ZNF563: variants seen among roughly 807,000 people sequenced by gnomAD.
ZNF563 encodes zinc finger protein 563.
A neutral mutation model predicts 48.5 loss-of-function variants in ZNF563; 39 were observed. The observed-to-expected ratio is 0.80, with a 90% confidence interval of 0.62 to 1.05. The LOEUF is 1.05. Among genes scored for constraint, ZNF563 ranks in the 50% least tolerant of loss-of-function variants. The probability of loss-of-function intolerance (pLI) is 0.00; values close to 1 mark genes in which losing one functional copy is unlikely to be tolerated. For missense variants in ZNF563, 538 were observed against 597.0 expected (o/e 0.90, Z 1.03); for synonymous variants, 168 against 187.9 (o/e 0.89, Z 0.87).
At chr19:12,338,817 A>G in the ZNF563 span, among the ~76,000 whole-genome samples, 2 of 152,082 alleles carry the variant, frequency 1.3e-5, no homozygotes, top group African/African-American at 4.8e-5. Context: ...ACACCATTGC[A>G]CTCCAGCCTG....
In ZNF563 at chr19:12,319,567, T is replaced by C. The variant is rs764190825; in HGVS notation, c.458A>G (p.His153Arg). 6.2e-6 allele frequency: 10 copies of C among 1,614,198 alleles called. No homozygotes were observed. Among genetic ancestry groups the C allele is most frequent in the Admixed American group, 5.0e-5 (3 of 60,012 alleles). ...CCTTCCACGCGACTGAAAGGAGTGA[T>C]GGTAACTGAAGGCTTTCCCACGTTG... Reference protein sequence around the residue: ...HKQRGKAFSYHHSFQSRGRPH... With the variant: ...HKQRGKAFSYRHSFQSRGRPH... Residue 153 changes from histidine (H) to arginine (R), a missense_variant, in exon 4 of 4, where the codon CAT becomes CGT. His to Arg is a conservative substitution (Grantham distance 29). Coordinates refer to ENST00000293725, the MANE Select transcript of ZNF563 (RefSeq NM_145276.3).
intron 1 of ZNF563, 102 bp downstream of exon 1, chr19:12,333,378 C>T: frequency 6.6e-7 from 1 of 1,513,738 alleles, no homozygotes; most frequent in South Asian, 1.2e-5. Flanking sequence ...GTCCCAGACC[C>T]CGGAGCTGAC....
At chr19:12,332,834 G>A (rs1389674664) in intron 1 of ZNF563, among the ~76,000 whole-genome samples, 1 of 152,184 alleles carries the variant, frequency 6.6e-6, no homozygotes, top group Non-Finnish European at 1.5e-5. Flanking sequence ...CCTCCCTTGC[G>A]ATGGATTTTG....
the ZNF563 span, among the ~76,000 whole-genome samples, chr19:12,344,132 CCTGTAATCCCAG>C: frequency 6.6e-6 from 1 of 152,072 alleles, no homozygotes; most frequent in Admixed American, 6.6e-5. Context: ...GTGGCTCATG[CCTGTAATCCCAG>C]CACTTTCAGA....
upstream of ZNF563, among the ~76,000 whole-genome samples, chr19:12,337,233 C>T (rs1019197918): frequency 2.6e-5 from 4 of 151,988 alleles, no homozygotes; most frequent in African/African-American, 4.8e-5. Flanking sequence ...GACGAGCTCT[C>T]GCTCCATCAC....
At chr19:12,321,004 G>T (rs1968607059) in intron 3 of ZNF563, among the ~76,000 whole-genome samples, 1 of 151,908 alleles carries the variant, frequency 6.6e-6, no homozygotes, top group African/African-American at 2.4e-5. Flanking sequence ...ACGAGGTGTG[G>T]TGGCTTGCAC....
upstream of ZNF563, among the ~76,000 whole-genome samples, chr19:12,337,043 C>T (rs778372202): frequency 2.0e-5 from 3 of 152,126 alleles, no homozygotes; most frequent in Non-Finnish European, 4.4e-5. Context: ...TTCTTCTTAA[C>T]CTGTGTCACT....
chr19:12,338,341 G>A (rs774293710), upstream of ZNF563, among the ~76,000 whole-genome samples: 1 of 152,134 alleles, frequency 6.6e-6, no homozygotes, highest in Non-Finnish European at 1.5e-5. Flanking sequence ...TCCACCTCCT[G>A]GGCTCAAGTG....
chr19:12,329,472 CAAAAAAAA>C (rs754295632), intron 1 of ZNF563, among the ~76,000 whole-genome samples: 2 of 75,924 alleles, frequency 2.6e-5, no homozygotes, highest in African/African-American at 4.6e-5. Flanking sequence ...GACTCCATCT[CAAAAAAAA>C]AAAAAAAAAG....
intron 1 of ZNF563, among the ~76,000 whole-genome samples, chr19:12,333,271 G>A (rs1046208387): frequency 4.6e-5 from 7 of 152,202 alleles, no homozygotes; most frequent in Non-Finnish European, 1.0e-4. Context: ...CAGTTGCCGC[G>A]CAGGGACCGG....
upstream of ZNF563, chr19:12,333,697 G>C: frequency 1.6e-6 from 1 of 606,968 alleles, no homozygotes; most frequent in Non-Finnish European, 2.7e-6. Context: ...GCACCCTACT[G>C]CCAGCCGTGC....
intron 1 of ZNF563, among the ~76,000 whole-genome samples, chr19:12,332,166 AG>A (rs2145820040): frequency 6.6e-6 from 1 of 152,242 alleles, no homozygotes; most frequent in African/African-American, 2.4e-5. Flanking sequence ...GAAAAGGCTA[AG>A]GGGAACAGGG....
Position 12,319,257 on chromosome 19 carries a change from C to T in ZNF563, c.768G>A (p.Lys256=), listed in dbSNP as rs1445080097. The T allele has an allele frequency of 2.5e-6, 4 of 1,613,938 alleles. No individual in the cohort carries two copies. Among genetic ancestry groups the T allele is most frequent in the African/African-American group, 1.3e-5 (1 of 74,912 alleles). The change falls in exon 4 of 4, where the codon AAG becomes AAA. Residue 256 remains lysine (K), a synonymous_variant. Transcript: ENST00000293725. ...MHTGEKPYEC[K]QCSKALPDSS... Reference sequence around the variant, plus strand: ...AATCAGGCAAGGCTTTAGAACACTGCTTACATTCATACGGTTTCTCCCCAG... The same window carrying T: ...AATCAGGCAAGGCTTTAGAACACTGTTTACATTCATACGGTTTCTCCCCAG...
the ZNF563 span, among the ~76,000 whole-genome samples, chr19:12,340,465 A>G: frequency 6.6e-6 from 1 of 152,152 alleles, no homozygotes; most frequent in Non-Finnish European, 1.5e-5. Context: ...GTGAGACCCT[A>G]TGTCAAACAT....
chr19:12,318,926 A>T lies in ZNF563; in HGVS notation c.1099T>A (p.Cys367Ser). The change falls in exon 4 of 4, where the codon TGC becomes AGC. Residue 367 changes from cysteine (C) to serine (S), a missense_variant. Transcript: ENST00000293725. ...GATAACGTTTTCCCACACTGCTTGC[A>T]TTCATAGGGTTTCTCTCCAGTGTGA... The part of the protein sequence containing the change: ...RIHTGEKPYE[C>S]KQCGKTLSHS... 2 of 1,614,230 alleles carry T rather than the reference A, an allele frequency of 1.2e-6. No individual in the cohort carries two copies. The highest frequency in any genetic ancestry group is 8.5e-7 in the Non-Finnish European group (1 of 1,180,038).
rs1257218639 is a variant in ZNF563 at position 12,333,489 on chromosome 19, G to C, written c.-7C>G. The C allele has an allele frequency of 6.2e-7, 1 of 1,613,262 alleles. No individual in the cohort carries two copies. Among genetic ancestry groups the C allele is most frequent in the South Asian group, 1.1e-5 (1 of 90,902 alleles). ...GACCCTGCACACGCACCATTTCCCG[G>C]CTTCCGGGATGTTCCAGGGTCCTCC... On this transcript the variant is annotated 5_prime_UTR_variant, in exon 1 of 4. Transcript: ENST00000293725.
intron 1 of ZNF563, among the ~76,000 whole-genome samples, chr19:12,325,287 C>A (rs575479063): frequency 1.3e-5 from 2 of 152,178 alleles, no homozygotes; most frequent in South Asian, 4.2e-4. Flanking sequence ...TGAGACCAGT[C>A]TGGCCAACAT....
chr19:12,322,595 C>T lies in ZNF563; in HGVS notation c.120G>A (p.Leu40=), dbSNP rs766926672. ...TGGTATCATCCTTACTTATACAGTCCAGGTTCCTGATGGTTTCTTGCATCA... is the reference window on the plus strand; with the variant it reads ...TGGTATCATCCTTACTTATACAGTCTAGGTTCCTGATGGTTTCTTGCATCA... ...RYVMQETIRN[L]DCIRMIWEEQ... is the part of the protein sequence containing the mutation. Residue 40 remains leucine (L), a synonymous_variant, in exon 2 of 4, where the codon CTG becomes CTA. Transcript: ENST00000293725. 3 of 1,601,326 alleles carry T rather than the reference C, an allele frequency of 1.9e-6. No individual in the cohort carries two copies. The highest frequency in any genetic ancestry group is 2.6e-6 in the Non-Finnish European group (3 of 1,173,088).
upstream of ZNF563, among the ~76,000 whole-genome samples, chr19:12,334,155 C>T (rs1455678176): frequency 1.3e-5 from 2 of 152,166 alleles, no homozygotes; most frequent in Admixed American, 6.5e-5. Context: ...CCTCTCTCAC[C>T]TTGCCTCTCA....
Sources: gnomAD v4.1 joint callset for allele counts (sites outside exome capture counted in the v4.1 genomes callset) on GRCh38, gnomAD v4.1.1 for gene constraint, MANE v1.5 for transcripts, NCBI Gene and HGNC (gene_info 2026-07-23, HGNC 2026-07-21) for gene names.